The following PSMC2 variants were observed in gnomAD, a reference collection of about 807,000 sequenced individuals.
The protein encoded by PSMC2 is proteasome 26S subunit, ATPase 2, also known as 26S proteasome regulatory subunit 7.
PSMC2 carries 7 observed loss-of-function variants against 53.3 expected under a neutral mutation model. The ratio of observed to expected loss-of-function variants is 0.13; its 90% CI spans 0.07 to 0.25. PSMC2 has a LOEUF of 0.25. Ranked by LOEUF, PSMC2 falls within the 10% of genes least tolerant of loss-of-function variation. The probability of loss-of-function intolerance (pLI) is 1.00; values close to 1 mark genes in which losing one functional copy is unlikely to be tolerated. For missense variants in PSMC2, 241 were observed against 544.0 expected (o/e 0.44, Z 5.54); for synonymous variants, 169 against 183.9 (o/e 0.92, Z 0.66).
In PSMC2 at chr7:103,367,833, A is replaced by G; in HGVS notation, c.1144+24A>G. On this transcript the variant is annotated intron_variant, in intron 11 of 11. Transcript: ENST00000292644. This position sits in a 1 kb window ranked among gnomAD's most constrained non-coding sequence, Gnocchi z 6.1. ...TGGTAAGTAGAAAGTTCTTGCTTAT[A>G]TTTGCTGGTCTGTCTGCTCAGGCTG... 6.2e-7 allele frequency: 1 copy of G among 1,612,006 alleles called. No individual in the cohort carries two copies. The highest frequency in any genetic ancestry group is 8.5e-7 in the Non-Finnish European group (1 of 1,179,172).
intron 4 of PSMC2, among the ~76,000 whole-genome samples, chr7:103,357,187 G>A (rs1820083039): frequency 6.6e-6 from 1 of 152,050 alleles, no homozygotes. Context: ...TTAACTGGGT[G>A]TGGTGGCGGG....
intron 4 of PSMC2, among the ~76,000 whole-genome samples, 166 bp downstream of exon 4, chr7:103,355,959 T>G (rs1273905138): frequency 6.6e-6 from 1 of 152,200 alleles, no homozygotes; most frequent in African/African-American, 2.4e-5. Context: ...CTTAAACAAT[T>G]CTTCAAAAAT....
intron 1 of PSMC2, chr7:103,352,770 A>T: frequency 1.3e-6 from 1 of 752,476 alleles, no homozygotes; most frequent in Non-Finnish European, 2.5e-6. Flanking sequence ...GAGAAAACAA[A>T]GTTCAGAAGT....
In PSMC2 at chr7:103,360,775, A is replaced by AT. The variant is rs1820340051; in HGVS notation, c.291-1177dup. On this transcript the variant is annotated intron_variant, in intron 4 of 11. Coordinates refer to ENST00000292644, the MANE Select transcript of PSMC2 (RefSeq NM_002803.4). ...GTGATGTGCATGGCATTATAAATTC[A>AT]TTTTTACCAGGCCATATGGAAATGA... Among the ~76,000 whole-genome samples, 5 of 152,190 alleles carry AT rather than the reference A, an allele frequency of 3.3e-5. No individual in the cohort carries two copies. In the South Asian group the frequency reaches 1.0e-3, roughly 31 times the overall value.
intron 1 of PSMC2, chr7:103,348,838 A>G: frequency 1.6e-6 from 1 of 616,394 alleles, no homozygotes; most frequent in African/African-American, 1.8e-5. Flanking sequence ...TTCTTTGTAC[A>G]TAAAATAAAC....
chr7:103,359,324 C>G (rs921551258), intron 4 of PSMC2, among the ~76,000 whole-genome samples: 1 of 151,570 alleles, frequency 6.6e-6, no homozygotes, highest in Non-Finnish European at 1.5e-5. Context: ...TAATAACAAT[C>G]TTACTGATAT....
chr7:103,352,887 C>G (rs1408392639), intron 1 of PSMC2: 1 of 780,966 alleles, frequency 1.3e-6, no homozygotes, highest in African/African-American at 1.7e-5. Flanking sequence ...CACGGCATTT[C>G]CCCTACGGTC....
rs940745870 is a variant in PSMC2, at chr7:103,357,448, C to A, written c.290+1655C>A. Among the ~76,000 whole-genome samples the A allele has an allele frequency of 3.3e-5, 5 of 151,878 alleles. No individual in the cohort carries two copies. In the South Asian group the frequency reaches 1.0e-3, roughly 31 times the overall value. ...AGCTGATTATTTTGGTTTTCGTCTT[C>A]ATGGTTCTAATGGATATTGCTATAT... On this transcript the variant is annotated intron_variant, in intron 4 of 11. Transcript: ENST00000292644.
At position 103,354,850 on chromosome 7, in the gene PSMC2, C is replaced by G; in HGVS notation, c.109-18C>G. Reference sequence around the variant, plus strand: ...TTGATATCCTGATATTCTAACTAAACTGACCTTCATCACCTAGGGTCAGAG... The same window carrying G: ...TTGATATCCTGATATTCTAACTAAAGTGACCTTCATCACCTAGGGTCAGAG... On this transcript the variant is annotated intron_variant, in intron 2 of 11. Coordinates refer to ENST00000292644, the MANE Select transcript of PSMC2 (RefSeq NM_002803.4). The G allele has an allele frequency of 6.4e-7, 1 of 1,558,866 alleles. No homozygotes were observed. Among genetic ancestry groups the G allele is most frequent in the Non-Finnish European group, 8.8e-7 (1 of 1,135,090 alleles).
chr7:103,360,379 A>G (rs978058621), intron 4 of PSMC2, among the ~76,000 whole-genome samples: 35 of 151,882 alleles, frequency 2.3e-4, no homozygotes, highest in African/African-American at 8.2e-4. Context: ...TTGGTAGAGA[A>G]TGGGTATAAT....
At chr7:103,362,424 A>G (rs1820464250) in intron 5 of PSMC2, 7 of 1,353,958 alleles carry the variant, frequency 5.2e-6, no homozygotes, top group Non-Finnish European at 5.7e-6. Context: ...TATAGAATAC[A>G]TAACAACTCA....
In PSMC2 at chr7:103,367,204, A is replaced by G. The variant is rs1282055692; in HGVS notation, c.845-209A>G. Among the ~76,000 whole-genome samples, 1 of 152,148 alleles carries G rather than the reference A, an allele frequency of 6.6e-6. No individual in the cohort carries two copies. Among genetic ancestry groups the G allele is most frequent in the Non-Finnish European group, 1.5e-5 (1 of 68,038 alleles). The stretch of plus-strand genomic sequence containing the variant: ...ATAGGCAGTTTAAAAAACGTTAAGT[A>G]AATCTGTGATGAATACTTTTGAAAG... On this transcript the variant is annotated intron_variant, in intron 9 of 11. Transcript: ENST00000292644. This position sits in a 1 kb window ranked among gnomAD's most constrained non-coding sequence, Gnocchi z 6.1.
intron 1 of PSMC2, among the ~76,000 whole-genome samples, chr7:103,351,123 C>T (rs187449742): frequency 2.6e-5 from 4 of 152,292 alleles, no homozygotes; most frequent in Admixed American, 2.0e-4. Context: ...ACCTCTAGAG[C>T]CAGATTTATC....
intron 5 of PSMC2, chr7:103,362,384 G>C (rs1820462076): frequency 7.5e-7 from 1 of 1,336,514 alleles, no homozygotes; most frequent in Admixed American, 3.6e-5. Flanking sequence ...CTTGCTTTAG[G>C]ATAGTTGTGA....
chr7:103,366,712 T>A (rs1820737033), intron 9 of PSMC2, among the ~76,000 whole-genome samples: 3 of 152,238 alleles, frequency 2.0e-5, no homozygotes, highest in Admixed American at 2.0e-4. Flanking sequence ...TGGGGCATAA[T>A]TTAATTGATG....
At position 103,368,120 on chromosome 7, in the gene PSMC2, C is replaced by A; in HGVS notation, c.*66C>A. 1 of 1,377,528 alleles carries A rather than the reference C, an allele frequency of 7.3e-7. No individual in the cohort carries two copies. The highest frequency in any genetic ancestry group is 9.8e-7 in the Non-Finnish European group (1 of 1,018,422). The allele number at this position is 1,377,528 out of a possible 1,614,324, so 85.3% of individuals were successfully genotyped here. On this transcript the variant is annotated 3_prime_UTR_variant, in exon 12 of 12. Coordinates refer to ENST00000292644, the MANE Select transcript of PSMC2 (RefSeq NM_002803.4). ...TAACCTTATATAGACTTGTTAATAA[C>A]CAATTCATAAACAAATAAATGGCTT... is the stretch of plus-strand genomic sequence containing the variant.
chr7:103,350,238 G>A (rs1246830873), intron 1 of PSMC2, among the ~76,000 whole-genome samples: 3 of 151,478 alleles, frequency 2.0e-5, no homozygotes, highest in Admixed American at 6.6e-5. Context: ...TTTCTTTCAC[G>A]GCCTGAAAGT....
rs775683191 is a variant in PSMC2, at chr7:103,367,835, T to A, written c.1144+26T>A. 1 of 1,612,304 alleles carries A rather than the reference T, an allele frequency of 6.2e-7. No homozygotes were observed. Among genetic ancestry groups the A allele is most frequent in the East Asian group, 2.2e-5 (1 of 44,876 alleles). On this transcript the variant is annotated intron_variant, in intron 11 of 11. Transcript: ENST00000292644. This position sits in a 1 kb window ranked among gnomAD's most constrained non-coding sequence, Gnocchi z 6.1. ...GTAAGTAGAAAGTTCTTGCTTATAT[T>A]TGCTGGTCTGTCTGCTCAGGCTGCT...
chr7:103,347,751 G>C lies in PSMC2; in HGVS notation c.40G>C (p.Glu14Gln), dbSNP rs1365849062. Residue 14 changes from glutamate to glutamine, a missense_variant, in exon 1 of 12, where the codon GAG (glutamate) becomes CAG (glutamine). Around this residue, in one of 6 missense-constraint regions of PSMC2, gnomAD observed 70 missense variants for 57.9 expected, o/e 1.21. Transcript: ENST00000292644. ...YLGADQRKTK[E>Q]DEKDDKPIRA... ...CGGTGCCGATCAGCGGAAGACCAAA[G>C]AGGATGAGAAGGACGACAAGCCCAT... The C allele has an allele frequency of 6.2e-7, 1 of 1,613,934 alleles. No homozygotes were observed. The highest frequency in any genetic ancestry group is 2.2e-5 in the East Asian group (1 of 44,874).
Sources: allele counts gnomAD v4.1 joint callset (sites outside exome capture counted in the v4.1 genomes callset), GRCh38; gene constraint gnomAD v4.1.1; regional missense constraint gnomAD v4.1.1; non-coding constraint Gnocchi (gnomAD v3.1); transcripts MANE v1.5; gene names NCBI Gene and HGNC (gene_info 2026-07-23, HGNC 2026-07-21).